VRK2: variants seen among roughly 807,000 people sequenced by gnomAD.
VRK2 encodes serine/threonine-protein kinase VRK2.
In VRK2, 60 loss-of-function variants were observed where a neutral mutation model predicts 57.6. The observed-to-expected ratio is 1.04, with a 90% CI of 0.85 to 1.29. The LOEUF (loss-of-function observed/expected upper bound fraction) is 1.29, where lower values mean the gene tolerates loss of function less well. Among genes scored for constraint, VRK2 ranks in the 50% most tolerant of loss-of-function variants. VRK2 has a pLI of 0.00. For missense variants in VRK2, 705 were observed against 588.1 expected, an observed-to-expected ratio of 1.20 and a Z score of -2.06; for synonymous variants, 231 against 199.2, an observed-to-expected ratio of 1.16 and a Z score of -1.35.
intron 12 of VRK2, among the ~76,000 whole-genome samples, chr2:58,150,974 C>G (rs538617530): frequency 6.6e-6 from 1 of 151,550 alleles, no homozygotes; most frequent in Non-Finnish European, 1.5e-5. Flanking sequence ...TTTAATTTTG[C>G]TGTCATCAGA....
chr2:57,987,476 G>C (rs1314531649), intron 1 of VRK2, among the ~76,000 whole-genome samples: 1 of 152,026 alleles, frequency 6.6e-6, no homozygotes, highest in Non-Finnish European at 1.5e-5. Flanking sequence ...TATTTGAATA[G>C]CTTTAAAAAA....
At chr2:58,046,440 G>T (rs1376238984), upstream of VRK2, 58 of 965,964 alleles carry the variant, frequency 6.0e-5, no homozygotes, top group Non-Finnish European at 7.1e-5. Flanking sequence ...GTAAGGACTA[G>T]CCATTTGGAA....
chr2:57,912,684 A>G lies in VRK2; in HGVS notation c.-439+4845A>G, dbSNP rs72945331. ...GAGCAACCGCTTTTGTTACAAGACT[A>G]TTTTCTGGCAGCCAAATAGCTTCTG... On this transcript the variant is annotated intron_variant, in intron 1 of 15. Coordinates refer to the VRK2 transcript ENST00000417641. Among the ~76,000 whole-genome samples the G allele has an allele frequency of 4.7e-3, 717 of 152,286 alleles. 9 individuals carry two copies. The highest frequency in any genetic ancestry group is 0.017 in the African/African-American group (689 of 41,552).
At chr2:58,127,863 T>C (rs139499562) in intron 8 of VRK2, among the ~76,000 whole-genome samples, 1,987 of 152,302 alleles carry the variant, frequency 0.013, 19 homozygotes, top group South Asian at 0.024. Flanking sequence ...GAAAACACTT[T>C]AGGCAAACAG....
At chr2:58,141,524 T>A (rs1681333755) in intron 11 of VRK2, among the ~76,000 whole-genome samples, 1 of 152,044 alleles carries the variant, frequency 6.6e-6, no homozygotes. Context: ...ATACATGCTT[T>A]TAAGACCTAC....
At position 58,156,086 on chromosome 2, in the gene VRK2, C is replaced by CT. The variant is rs201526282; in HGVS notation, c.1183-3260dup. 5.8e-3 allele frequency among the ~76,000 whole-genome samples: 888 copies of CT among 152,110 alleles called. 10 individuals carry two copies. Among genetic ancestry groups the CT allele is most frequent in the African/African-American group, 0.02 (838 of 41,494 alleles). On this transcript the variant is annotated intron_variant, in intron 12 of 12. Transcript: ENST00000340157. ...TTTTGATAGGTGCTTTTTGTCCACT[C>CT]TTTAATTACCAGAATAAGGTGGGAT...
At chr2:58,097,406 A>G (rs932956147) in intron 7 of VRK2, among the ~76,000 whole-genome samples, 8 of 151,332 alleles carry the variant, frequency 5.3e-5, no homozygotes, top group African/African-American at 1.7e-4. Context: ...AAATCTTTCA[A>G]GTTGTTTAGG....
At chr2:58,004,251 T>C (rs912640203) in intron 1 of VRK2, among the ~76,000 whole-genome samples, 4 of 152,096 alleles carry the variant, frequency 2.6e-5, no homozygotes, top group Admixed American at 2.0e-4. Flanking sequence ...TATGCTTTTA[T>C]AGTTCCTACC....
intron 2 of VRK2, among the ~76,000 whole-genome samples, chr2:58,065,103 G>T (rs1167949443): frequency 1.3e-5 from 2 of 151,612 alleles, no homozygotes; most frequent in South Asian, 2.1e-4. Context: ...TTATAACTAA[G>T]CATATTCTAT....
intron 1 of VRK2, chr2:58,025,656 A>T (rs905564759): frequency 5.3e-5 from 8 of 152,074 alleles, no homozygotes; most frequent in African/African-American, 1.7e-4. Flanking sequence ...GCCTGAACTT[A>T]TTTTTCAGAA....
At chr2:58,142,941 T>A (rs2104627117) in intron 11 of VRK2, among the ~76,000 whole-genome samples, 1 of 151,996 alleles carries the variant, frequency 6.6e-6, no homozygotes, top group Admixed American at 6.6e-5. Context: ...CTCCCATCCT[T>A]CCTAAATGCT....
At chr2:58,114,819 CTG>C (rs1676172388) in intron 7 of VRK2, among the ~76,000 whole-genome samples, 1 of 152,154 alleles carries the variant, frequency 6.6e-6, no homozygotes, top group East Asian at 1.9e-4. Context: ...GAAGAAATGA[CTG>C]TGGTGGCCTT....
chr2:58,095,433 A>G (rs1174938925), intron 7 of VRK2, among the ~76,000 whole-genome samples: 3 of 152,052 alleles, frequency 2.0e-5, no homozygotes, highest in Non-Finnish European at 2.9e-5. Flanking sequence ...TTTTTCATCA[A>G]TTTTGCATTA....
chr2:58,018,105 C>G (rs1431419085), intron 1 of VRK2: 1 of 152,238 alleles, frequency 6.6e-6, no homozygotes, highest in Non-Finnish European at 1.5e-5. Flanking sequence ...GATTCTCCTG[C>G]CTCAGCCCTG....
chr2:57,939,637 T>C (rs963614322), intron 1 of VRK2, among the ~76,000 whole-genome samples: 13 of 152,212 alleles, frequency 8.5e-5, no homozygotes, highest in African/African-American at 3.1e-4. Flanking sequence ...TACAAAATGT[T>C]ACTTTGATTG....
At chr2:58,104,179 C>T (rs1206329450) in intron 7 of VRK2, among the ~76,000 whole-genome samples, 1 of 151,696 alleles carries the variant, frequency 6.6e-6, no homozygotes, top group African/African-American at 2.4e-5. Context: ...TTTTACCACT[C>T]CTATTTATCA....
At chr2:57,911,890 A>C (rs1669996828) in intron 1 of VRK2, among the ~76,000 whole-genome samples, 1 of 152,196 alleles carries the variant, frequency 6.6e-6, no homozygotes, top group African/African-American at 2.4e-5. Context: ...ATTATGTATA[A>C]GACTTAATGC....
chr2:58,099,028 A>T (rs140972707), intron 7 of VRK2, among the ~76,000 whole-genome samples: 1 of 152,010 alleles, frequency 6.6e-6, no homozygotes, highest in African/African-American at 2.4e-5. Flanking sequence ...ATCGATAACT[A>T]GAACAGTGGC....
chr2:58,099,335 A>G (rs1438619870), intron 7 of VRK2, among the ~76,000 whole-genome samples: 2 of 151,908 alleles, frequency 1.3e-5, no homozygotes, highest in South Asian at 4.2e-4. Flanking sequence ...TCCTTTTTCT[A>G]ATTTCCTATA....
Sources: allele counts gnomAD v4.1 joint callset (sites outside exome capture counted in the v4.1 genomes callset), GRCh38; gene constraint gnomAD v4.1.1; transcripts MANE v1.5; gene names NCBI Gene and HGNC (gene_info 2026-07-23, HGNC 2026-07-21).